ALPL: variants seen among roughly 807,000 people sequenced by gnomAD.
The protein encoded by ALPL is alkaline phosphatase, biomineralization associated, also known as alkaline phosphatase, tissue-nonspecific isozyme.
In ALPL, 42 loss-of-function variants were observed where a neutral mutation model predicts 51.3. The observed-to-expected ratio is 0.82, with a 90% CI of 0.64 to 1.06. The LOEUF (loss-of-function observed/expected upper bound fraction) is 1.06, where lower values mean the gene tolerates loss of function less well. Among genes scored for constraint, ALPL ranks in the 50% least tolerant of loss-of-function variants. The pLI is 0.00. For missense variants in ALPL, 589 were observed against 709.4 expected (o/e 0.83, Z 1.93); for synonymous variants, 279 against 296.4 (o/e 0.94, Z 0.60).
intron 2 of ALPL, 46 bp downstream of exon 2, chr1:21,554,188 G>A (rs1644368388): frequency 1.3e-6 from 2 of 1,572,168 alleles, no homozygotes; most frequent in African/African-American, 1.4e-5. Flanking sequence ...TGGTGCAGAT[G>A]GGGTATGATG....
intron 4 of ALPL, 41 bp downstream of exon 4, chr1:21,561,253 A>G (rs1189443878): frequency 1.3e-6 from 2 of 1,521,198 alleles, no homozygotes; most frequent in Admixed American, 1.9e-5. Context: ...CTGTATATCC[A>G]GTATCCAGGT....
intron 9 of ALPL, among the ~76,000 whole-genome samples, chr1:21,574,976 A>G (rs1440868516): frequency 6.6e-6 from 1 of 152,234 alleles, no homozygotes; most frequent in African/African-American, 2.4e-5. Context: ...TGTTCCTTTA[A>G]GGTCACAGAG....
intron 1 of ALPL, among the ~76,000 whole-genome samples, chr1:21,546,289 C>T (rs891623656): frequency 6.6e-6 from 1 of 152,074 alleles, no homozygotes; most frequent in African/African-American, 2.4e-5. Context: ...TTTCTGGGGT[C>T]AAGAAGAGGG....
rs551302835 is a variant in ALPL at position 21,514,802 on chromosome 1, G to T, written c.-105+5285G>T. ...AAGTGGCATTTTGTGAGCACCATTGGGTACCAGGCACTTTCGCACATTACC... is the reference window on the plus strand; with the variant it reads ...AAGTGGCATTTTGTGAGCACCATTGTGTACCAGGCACTTTCGCACATTACC... On this transcript the variant is annotated intron_variant, in intron 1 of 11. Transcript: ENST00000374840. Among the ~76,000 whole-genome samples, 3 of 152,196 alleles carry T rather than the reference G, an allele frequency of 2.0e-5. No homozygotes were observed. In the East Asian group the frequency reaches 5.8e-4, roughly 29 times the overall value.
chr1:21,526,015 C>T (rs935314425), intron 1 of ALPL, among the ~76,000 whole-genome samples: 1 of 152,042 alleles, frequency 6.6e-6, no homozygotes, highest in Non-Finnish European at 1.5e-5. Flanking sequence ...AGAGTGTGTA[C>T]AGAAATGGTC....
At chr1:21,555,052 C>T (rs949830492) in intron 2 of ALPL, among the ~76,000 whole-genome samples, 1 of 150,436 alleles carries the variant, frequency 6.6e-6, no homozygotes, top group Non-Finnish European at 1.5e-5. Flanking sequence ...GGGCTAAGTC[C>T]AAAAAGAGAG....
intron 11 of ALPL, 112 bp downstream of exon 11, chr1:21,576,753 C>A: frequency 6.9e-7 from 1 of 1,441,962 alleles, no homozygotes; most frequent in South Asian, 1.2e-5. Flanking sequence ...ATGACTGGGG[C>A]TTGAGTCCCA....
chr1:21,548,223 C>T (rs1303941073), intron 1 of ALPL, among the ~76,000 whole-genome samples: 2 of 152,220 alleles, frequency 1.3e-5, no homozygotes, highest in South Asian at 2.1e-4. Flanking sequence ...TGGGCCCCTC[C>T]GCTTCCAGGG....
chr1:21,514,652 A>T (rs1367173807), intron 1 of ALPL, among the ~76,000 whole-genome samples: 2 of 152,150 alleles, frequency 1.3e-5, no homozygotes, highest in African/African-American at 4.8e-5. Context: ...GGTCTCCACG[A>T]ATCAACTGCT....
intron 6 of ALPL, among the ~76,000 whole-genome samples, chr1:21,567,728 T>A (rs1161557033): frequency 6.6e-6 from 1 of 152,122 alleles, no homozygotes; most frequent in Non-Finnish European, 1.5e-5. Flanking sequence ...GTGGCCAGGG[T>A]TTATTGCAGC....
At chr1:21,544,306 TGCTG>T (rs1423811227) in intron 1 of ALPL, among the ~76,000 whole-genome samples, 1 of 152,242 alleles carries the variant, frequency 6.6e-6, no homozygotes, top group Non-Finnish European at 1.5e-5. Flanking sequence ...GGATCAGATT[TGCTG>T]GCTGTGTGAC....
chr1:21,524,118 C>T (rs913332017), intron 1 of ALPL, among the ~76,000 whole-genome samples: 8 of 151,548 alleles, frequency 5.3e-5, no homozygotes, highest in African/African-American at 1.7e-4. Flanking sequence ...ATTCTCCTGC[C>T]TCAGCCTACT....
At position 21,568,162 on chromosome 1, in the gene ALPL, A is replaced by G. The variant is rs533959092; in HGVS notation, c.707A>G (p.Tyr236Cys). 1.9e-6 allele frequency: 3 copies of G among 1,614,080 alleles called. No individual in the cohort carries two copies. Among genetic ancestry groups the G allele is most frequent in the East Asian group, 4.5e-5 (2 of 44,854 alleles). ...CCCAAGAATAAAACTGATGTGGAGT[A>G]TGAGAGTGACGAGAAAGCCAGGGGC... is the stretch of plus-strand genomic sequence containing the variant. ...MYPKNKTDVE[Y>C]ESDEKARGTR... The change falls in exon 7 of 12, where the codon TAT becomes TGT. Residue 236 changes from tyrosine to cysteine, a missense_variant. By Grantham distance (194) the Tyr-to-Cys change is radical. Coordinates refer to ENST00000374840, the MANE Select transcript of ALPL (RefSeq NM_000478.6).
intron 1 of ALPL, among the ~76,000 whole-genome samples, chr1:21,536,882 G>A (rs1440169682): frequency 2.0e-5 from 3 of 146,466 alleles, no homozygotes; most frequent in African/African-American, 7.5e-5. Context: ...GATTTGCAAG[G>A]TTCCTTCCCT....
intron 2 of ALPL, among the ~76,000 whole-genome samples, chr1:21,558,655 G>C (rs1644444473): frequency 6.6e-6 from 1 of 152,200 alleles, no homozygotes; most frequent in South Asian, 2.1e-4. Flanking sequence ...TGAAATTGAT[G>C]CCCTCAGCAG....
intron 6 of ALPL, among the ~76,000 whole-genome samples, chr1:21,565,321 A>C (rs1644547592): frequency 6.6e-6 from 1 of 152,154 alleles, no homozygotes; most frequent in Non-Finnish European, 1.5e-5. Flanking sequence ...CAAGCCACTC[A>C]TCCTGGCTTG....
intron 7 of ALPL, among the ~76,000 whole-genome samples, chr1:21,569,251 C>T (rs1025323975): frequency 2.6e-5 from 4 of 152,186 alleles, no homozygotes; most frequent in Admixed American, 6.5e-5. Context: ...AGTTTCTCTA[C>T]GTGGCACATG....
At chr1:21,561,056 G>A (rs2148152038) in intron 3 of ALPL, 41 bp from the exon 4 acceptor site, 1 of 1,543,576 alleles carries the variant, frequency 6.5e-7, no homozygotes, top group Middle Eastern at 1.8e-4. Context: ...GATTGGAGAG[G>A]CAGGAGCACG....
rs990390241 is a variant in ALPL at position 21,577,847 on chromosome 1, C to T, written c.*199C>T. On this transcript the variant is annotated 3_prime_UTR_variant, in exon 12 of 12. Transcript: ENST00000374840. The stretch of plus-strand genomic sequence containing the variant: ...AAGGGCCAAACCCACTTCTGGCCTC[C>T]AGCCTTTGCTCCCTCCCCGCTGCCC... 4.2e-6 allele frequency: 3 copies of T among 708,322 alleles called. No homozygotes were observed. The highest frequency in any genetic ancestry group is 4.0e-4 in the Middle Eastern group (1 of 2,506). The allele number at this position is 708,322 out of a possible 1,614,324, so 43.9% of individuals were successfully genotyped here. A position where few individuals can be genotyped will look rare whatever the true frequency, so the allele number is the denominator to read the frequency against.
Sources: allele counts gnomAD v4.1 joint callset (sites outside exome capture counted in the v4.1 genomes callset), GRCh38; gene constraint gnomAD v4.1.1; transcripts MANE v1.5; gene names NCBI Gene and HGNC (gene_info 2026-07-23, HGNC 2026-07-21).